Variants in MTLN observed in about 807,000 individuals in gnomAD.
MTLN encodes the protein mitoregulin.
At chr2:110,211,806 C>T (rs1232344765) in intron 1 of MTLN, among the ~76,000 whole-genome samples, 184 bp from the exon 2 acceptor site, 1 of 152,184 alleles carries the variant, frequency 6.6e-6, no homozygotes, top group African/African-American at 2.4e-5. Flanking sequence ...GACTTCCAGG[C>T]CACTGCTCTT....
intron 1 of MTLN, among the ~76,000 whole-genome samples, chr2:110,211,966 AT>A (rs1686109596): frequency 6.6e-6 from 1 of 152,130 alleles, no homozygotes; most frequent in Admixed American, 6.5e-5. Context: ...TCTTTCCAGT[AT>A]TTTCTATACT....
In MTLN at chr2:110,212,306, T is replaced by C. The variant is rs1212175886; in HGVS notation, c.*49A>G. On this transcript the variant is annotated 3_prime_UTR_variant, in exon 1 of 2. Coordinates refer to ENST00000611969, the MANE Select transcript of MTLN (RefSeq NM_001384134.1). Reference sequence around the variant, plus strand: ...GCGGACCGGGGCTCCGGCGCGGACATGGCAAGGTGGCCATGAGGGGGACAG... The same window carrying C: ...GCGGACCGGGGCTCCGGCGCGGACACGGCAAGGTGGCCATGAGGGGGACAG... The C allele has an allele frequency of 1.2e-5, 4 of 340,126 alleles. No homozygotes were observed. The highest frequency in any genetic ancestry group is 3.7e-5 in the East Asian group (1 of 26,714). The allele number at this position is 340,126 out of a possible 1,614,324, so 21.1% of individuals were successfully genotyped here. A position where few individuals can be genotyped will look rare whatever the true frequency, so the allele number is the denominator to read the frequency against.
At chr2:110,211,930 C>T (rs1686108913) in intron 1 of MTLN, among the ~76,000 whole-genome samples, 1 of 152,190 alleles carries the variant, frequency 6.6e-6, no homozygotes, top group African/African-American at 2.4e-5. Context: ...GGCAAGATCA[C>T]CTCCCTGGTT....
Position 110,212,521 on chromosome 2 carries a change from G to A in MTLN, c.5C>T (p.Ala2Val), listed in dbSNP as rs191502224. 1,046 of 398,884 alleles carry A rather than the reference G, an allele frequency of 2.6e-3. 3 individuals are homozygous for A. The highest frequency in any genetic ancestry group is 4.0e-3 in the Non-Finnish European group (905 of 225,962). 24.7% of individuals were successfully genotyped at this position (398,884 alleles called of 1,614,324 possible). M[A>V]DVSERTLQLS... ...CTGCAGTGTCCTCTCTGACACATCC[G>A]CCATGGCTGCCGCCGGCGTGCAGCG... The change falls in exon 1 of 2, where the codon GCG becomes GTG. Residue 2 changes from alanine to valine, a missense_variant. Coordinates refer to ENST00000611969, the MANE Select transcript of MTLN (RefSeq NM_001384134.1).
chr2:110,211,912 T>C (rs776173950), intron 1 of MTLN, among the ~76,000 whole-genome samples: 14 of 152,220 alleles, frequency 9.2e-5, no homozygotes, highest in Non-Finnish European at 1.9e-4. Context: ...CTGAAAAGAA[T>C]TGGGGGTGGC....
chr2:110,212,177 A>G (rs1686112743), intron 1 of MTLN, 38 bp downstream of exon 1: 1 of 394,834 alleles, frequency 2.5e-6, no homozygotes, highest in Non-Finnish European at 4.5e-6. Context: ...CCCGACCCCA[A>G]AGTCTCCCTT....
rs944956316 is a variant in MTLN at position 110,211,584 on chromosome 2, G to A, written c.*179C>T. 2.0e-5 allele frequency: 3 copies of A among 152,146 alleles called. No individual in the cohort carries two copies. Among genetic ancestry groups the A allele is most frequent in the Non-Finnish European group, 4.4e-5 (3 of 68,014 alleles). 9.4% of individuals were successfully genotyped at this position (152,146 alleles called of 1,614,324 possible). On this transcript the variant is annotated 3_prime_UTR_variant, in exon 2 of 2. Coordinates refer to ENST00000611969, the MANE Select transcript of MTLN (RefSeq NM_001384134.1). ...ATTGATTCATAAAGTGCAAGAAGAA[G>A]TCATTTCTTTCCGGTAGTCTATATG...
chr2:110,212,287 C>G lies in MTLN; in HGVS notation c.*68G>C. 2.6e-6 allele frequency: 1 copy of G among 390,630 alleles called. No homozygotes were observed. Among genetic ancestry groups the G allele is most frequent in the Non-Finnish European group, 4.4e-6 (1 of 225,152 alleles). The allele number at this position is 390,630 out of a possible 1,614,324, so 24.2% of individuals were successfully genotyped here. The stretch of plus-strand genomic sequence containing the variant: ...AGCCTGGTTCTGGGCGCCGGCGGAC[C>G]GGGGCTCCGGCGCGGACATGGCAAG... On this transcript the variant is annotated 3_prime_UTR_variant, in exon 1 of 2. Transcript: ENST00000611969.
At chr2:110,212,088 C>T in intron 1 of MTLN, 127 bp downstream of exon 1, 1 of 342,724 alleles carries the variant, frequency 2.9e-6, no homozygotes, top group South Asian at 1.5e-4. Context: ...TCAGGGAAGA[C>T]AAAACTTCCA....
In MTLN at chr2:110,212,461, A is replaced by G. The variant is rs1311145549; in HGVS notation, c.65T>C (p.Leu22Pro). The change falls in exon 1 of 2, where the codon CTC becomes CCC. Residue 22 changes from leucine (L) to proline (P), a missense_variant. Transcript: ENST00000611969. ...CAGTCGGTTCGCCTGCCAGCCCAGG[A>G]GTACTCCAGAAGCGAAGGCTACTAG... is the stretch of plus-strand genomic sequence containing the variant. Reference protein sequence around the residue: ...SVLVAFASGVLLGWQANRLRR... With the variant: ...SVLVAFASGVPLGWQANRLRR... 2.5e-6 allele frequency: 1 copy of G among 398,982 alleles called. No individual in the cohort carries two copies. The highest frequency in any genetic ancestry group is 4.4e-6 in the Non-Finnish European group (1 of 226,148). The allele number at this position is 398,982 out of a possible 1,614,324, so 24.7% of individuals were successfully genotyped here.
Position 110,212,499 on chromosome 2 carries a change from C to G in MTLN, c.27G>C (p.Leu9=), listed in dbSNP as rs1055129866. MADVSERT[L]QLSVLVAFAS... ...CGAAGGCTACTAGCACGGACAACTGCAGTGTCCTCTCTGACACATCCGCCA... is the reference window on the plus strand; with the variant it reads ...CGAAGGCTACTAGCACGGACAACTGGAGTGTCCTCTCTGACACATCCGCCA... Residue 9 remains leucine, a synonymous_variant, in exon 1 of 2, where the codon CTG becomes CTC. Transcript: ENST00000611969. 14 of 398,822 alleles carry G rather than the reference C, an allele frequency of 3.5e-5. No homozygotes were observed. The highest frequency in any genetic ancestry group is 8.8e-5 in the Admixed American group (2 of 22,720). 24.7% of individuals were successfully genotyped at this position (398,822 alleles called of 1,614,324 possible). A position where few individuals can be genotyped will look rare whatever the true frequency, so the allele number is the denominator to read the frequency against.
In MTLN at chr2:110,212,545, C is replaced by A. The variant is rs1559119249; in HGVS notation, c.-20G>T. 2.5e-6 allele frequency: 1 copy of A among 398,942 alleles called. No individual in the cohort carries two copies. The highest frequency in any genetic ancestry group is 3.6e-5 in the East Asian group (1 of 28,060). 24.7% of individuals were successfully genotyped at this position (398,942 alleles called of 1,614,324 possible). A position where few individuals can be genotyped will look rare whatever the true frequency, so the allele number is the denominator to read the frequency against. On this transcript the variant is annotated 5_prime_UTR_variant, in exon 1 of 2. Transcript: ENST00000611969. ...CGCCATGGCTGCCGCCGGCGTGCAGCGCGGTCTACGGCGCGGCGGCGGGGT... is the reference window on the plus strand; with the variant it reads ...CGCCATGGCTGCCGCCGGCGTGCAGAGCGGTCTACGGCGCGGCGGCGGGGT...
At chr2:110,212,024 G>A (rs1686110714) in intron 1 of MTLN, among the ~76,000 whole-genome samples, 191 bp downstream of exon 1, 1 of 152,168 alleles carries the variant, frequency 6.6e-6, no homozygotes, top group Non-Finnish European at 1.5e-5. Context: ...ACGTTGGTAA[G>A]ACATTCTCAT....
rs1423518643 is a variant in MTLN, at chr2:110,212,373, C to T, written c.153G>A (p.Lys51=). 2.3e-5 allele frequency: 9 copies of T among 398,578 alleles called. No homozygotes were observed. Among genetic ancestry groups the T allele is most frequent in the Middle Eastern group, 6.2e-4 (1 of 1,612 alleles). 24.7% of individuals were successfully genotyped at this position (398,578 alleles called of 1,614,324 possible). Residue 51 remains lysine, a synonymous_variant, in exon 1 of 2, where the codon AAG becomes AAA. Coordinates refer to ENST00000611969, the MANE Select transcript of MTLN (RefSeq NM_001384134.1). ...CAGAGTCTCAGGCCAGGTCCAGCTT[C>T]TTCTGCGTCGCCGCCAGCTTGTCCT... ...RLQDKLAATQ[K]KLDLA
rs1210181785 is a variant in MTLN at position 110,212,459 on chromosome 2, G to C, written c.67C>G (p.Leu23Val). ...VLVAFASGVL[L>V]GWQANRLRRR... Reference sequence around the variant, plus strand: ...CGCAGTCGGTTCGCCTGCCAGCCCAGGAGTACTCCAGAAGCGAAGGCTACT... The same window carrying C: ...CGCAGTCGGTTCGCCTGCCAGCCCACGAGTACTCCAGAAGCGAAGGCTACT... Residue 23 changes from leucine to valine, a missense_variant, in exon 1 of 2, where the codon CTG becomes GTG. Coordinates refer to ENST00000611969, the MANE Select transcript of MTLN (RefSeq NM_001384134.1). 1 of 399,006 alleles carries C rather than the reference G, an allele frequency of 2.5e-6. No individual in the cohort carries two copies. 24.7% of individuals were successfully genotyped at this position (399,006 alleles called of 1,614,324 possible). A position where few individuals can be genotyped will look rare whatever the true frequency, so the allele number is the denominator to read the frequency against.
Position 110,212,318 on chromosome 2 carries a change from C to A in MTLN, c.*37G>T, listed in dbSNP as rs543359486. 2.9e-6 allele frequency: 1 copy of A among 340,316 alleles called. No homozygotes were observed. The highest frequency in any genetic ancestry group is 5.1e-5 in the Admixed American group (1 of 19,626). 21.1% of individuals were successfully genotyped at this position (340,316 alleles called of 1,614,324 possible). On this transcript the variant is annotated 3_prime_UTR_variant, in exon 1 of 2. Transcript: ENST00000611969. ...TCCGGCGCGGACATGGCAAGGTGGC[C>A]ATGAGGGGGACAGAATGGGGCGGAA...
Position 110,211,642 on chromosome 2 carries a change from GA to G in MTLN, c.*141-21del, listed in dbSNP as rs945567921. 2.0e-5 allele frequency: 3 copies of G among 152,080 alleles called. No individual in the cohort carries two copies. Among genetic ancestry groups the G allele is most frequent in the African/African-American group, 7.2e-5 (3 of 41,426 alleles). 9.4% of individuals were successfully genotyped at this position (152,080 alleles called of 1,614,324 possible). On this transcript the variant is annotated intron_variant, in intron 1 of 1. Transcript: ENST00000611969. ...AACAAGCTGTTAGAAACAGAAAAGA[GA>G]AAAAAATTAGAAATACACAATCTGA...
At position 110,212,281 on chromosome 2, in the gene MTLN, G is replaced by A. The variant is rs1246085119; in HGVS notation, c.*74C>T. On this transcript the variant is annotated 3_prime_UTR_variant, in exon 1 of 2. Coordinates refer to ENST00000611969, the MANE Select transcript of MTLN (RefSeq NM_001384134.1). The stretch of plus-strand genomic sequence containing the variant: ...GTGGCAAGCCTGGTTCTGGGCGCCG[G>A]CGGACCGGGGCTCCGGCGCGGACAT... 1 of 393,818 alleles carries A rather than the reference G, an allele frequency of 2.5e-6. No individual in the cohort carries two copies. The highest frequency in any genetic ancestry group is 4.4e-6 in the Non-Finnish European group (1 of 226,094). 24.4% of individuals were successfully genotyped at this position (393,818 alleles called of 1,614,324 possible).
chr2:110,211,793 C>G (rs958624953), intron 1 of MTLN, among the ~76,000 whole-genome samples, 171 bp from the exon 2 acceptor site: 1 of 152,184 alleles, frequency 6.6e-6, no homozygotes, highest in Non-Finnish European at 1.5e-5. Context: ...ATGCAAGGTT[C>G]CTGACTTCCA....
Sources: gnomAD v4.1 joint callset for allele counts (sites outside exome capture counted in the v4.1 genomes callset) on GRCh38, gnomAD v4.1.1 for gene constraint, MANE v1.5 for transcripts, NCBI Gene and HGNC (gene_info 2026-07-23, HGNC 2026-07-21) for gene names.